Variants in RBFOX3 observed in about 807,000 individuals in gnomAD.
RBFOX3 encodes the protein RNA binding protein fox-1 homolog 3.
RBFOX3 carries 17 observed loss-of-function variants against 48.7 expected under a neutral mutation model. The ratio of observed to expected loss-of-function variants is 0.35; its 90% confidence interval spans 0.24 to 0.52. The LOEUF is 0.52. Ranked by LOEUF, RBFOX3 falls within the 20% of genes least tolerant of loss-of-function variation. RBFOX3 has a pLI of 0.94. For missense variants in RBFOX3, 382 were observed against 497.5 expected (o/e 0.77, Z 2.21); for synonymous variants, 212 against 209.5 (o/e 1.01, Z -0.10).
chr17:79,545,906 T>C (rs1188527862), intron 1 of RBFOX3, among the ~76,000 whole-genome samples: 1 of 152,262 alleles, frequency 6.6e-6, no homozygotes, highest in Non-Finnish European at 1.5e-5. Flanking sequence ...GGTTCTCCTT[T>C]GATCATTCCT....
chr17:79,467,493 C>A (rs1473899366), intron 2 of RBFOX3, among the ~76,000 whole-genome samples: 1 of 152,176 alleles, frequency 6.6e-6, no homozygotes, highest in Non-Finnish European at 1.5e-5. Context: ...GACATGAGGC[C>A]ACCTGATGTC....
chr17:79,398,175 A>G (rs1385696680), intron 2 of RBFOX3, among the ~76,000 whole-genome samples: 1 of 152,108 alleles, frequency 6.6e-6, no homozygotes, highest in Non-Finnish European at 1.5e-5. Flanking sequence ...CAGTGCTGAG[A>G]GCAGTCCTGA....
At chr17:79,614,833 A>G (rs1358801858), upstream of RBFOX3, among the ~76,000 whole-genome samples, 1 of 152,158 alleles carries the variant, frequency 6.6e-6, no homozygotes, top group Non-Finnish European at 1.5e-5. Context: ...GGAGAAAAAG[A>G]AGAAAGAGGG....
the RBFOX3 span, among the ~76,000 whole-genome samples, chr17:79,632,591 C>T: frequency 6.6e-6 from 1 of 152,110 alleles, no homozygotes; most frequent in Non-Finnish European, 1.5e-5. Context: ...TCTTCCCTGG[C>T]ATGCACGAGT....
intron 4 of RBFOX3, among the ~76,000 whole-genome samples, chr17:79,190,432 C>CAACAACAAA (rs2054275627): frequency 1.7e-5 from 2 of 114,730 alleles, no homozygotes; most frequent in Non-Finnish European, 3.7e-5. Flanking sequence ...AAAAAAAAAA[C>CAACAACAAA]AAAAAAACAG....
intron 4 of RBFOX3, among the ~76,000 whole-genome samples, chr17:79,229,081 T>A (rs2060674854): frequency 1.3e-5 from 2 of 149,598 alleles, no homozygotes; most frequent in African/African-American, 5.0e-5. Context: ...ACAAAAAAAG[T>A]AGCCAGGCGT....
At chr17:79,614,922 G>C (rs1270984152), upstream of RBFOX3, among the ~76,000 whole-genome samples, 6 of 152,126 alleles carry the variant, frequency 3.9e-5, no homozygotes, top group Non-Finnish European at 8.8e-5. Context: ...AGGGCCCCCA[G>C]AGAGAAGGAG....
intron 4 of RBFOX3, among the ~76,000 whole-genome samples, chr17:79,170,112 GAGGAAGGAAGGA>G (rs749783223): frequency 6.7e-6 from 1 of 148,570 alleles, no homozygotes; most frequent in African/African-American, 2.5e-5. Context: ...AGGAAAGGAG[GAGGAAGGAAGGA>G]AGGAAGGAGG....
In RBFOX3 at chr17:79,115,676, G is replaced by T; in HGVS notation, c.40C>A (p.Pro14Thr). The T allele has an allele frequency of 8.7e-7, 1 of 1,151,478 alleles. No homozygotes were observed. The highest frequency in any genetic ancestry group is 1.2e-6 in the Non-Finnish European group (1 of 833,154). The allele number at this position is 1,151,478 out of a possible 1,614,324, so 71.3% of individuals were successfully genotyped here. The change falls in exon 5 of 15, where the codon CCA becomes ACA. Residue 14 changes from proline (P) to threonine (T), a missense_variant. Transcript: ENST00000693108. ...TACTCGGCAGGGATGCCGTTCTGTGGCGGAGGGGGGTACTGGGCGGGGGGG... is the reference window on the plus strand; with the variant it reads ...TACTCGGCAGGGATGCCGTTCTGTGTCGGAGGGGGGTACTGGGCGGGGGGG... ...PYPPAQYPPPPQNGIPAEYAP... is the reference protein window; with the variant it reads ...PYPPAQYPPPTQNGIPAEYAP...
chr17:79,552,865 G>A lies in RBFOX3; in HGVS notation c.-320+57961C>T, dbSNP rs954077793. ...TATATACATATGGACATGCATACAT[G>A]CATACATAGGATTACCTTGTTGGTT... On this transcript the variant is annotated intron_variant, in intron 1 of 14. Transcript: ENST00000693108. 9.9e-5 allele frequency among the ~76,000 whole-genome samples: 15 copies of A among 152,272 alleles called. No homozygotes were observed. In the South Asian group the frequency reaches 2.1e-3, roughly 21 times the overall value.
At chr17:79,371,405 T>C (rs948048408) in intron 2 of RBFOX3, among the ~76,000 whole-genome samples, 4 of 152,200 alleles carry the variant, frequency 2.6e-5, no homozygotes, top group African/African-American at 9.7e-5. Context: ...GTGCCCATGC[T>C]CGCCCTCCCC....
At chr17:79,651,624 T>TCC in the RBFOX3 span, among the ~76,000 whole-genome samples, 3 of 73,186 alleles carry the variant, frequency 4.1e-5, no homozygotes, top group Non-Finnish European at 1.1e-4. Context: ...TTGCCCCCTT[T>TCC]CCTCTCTCTC....
At chr17:79,185,914 GA>G (rs2053302894) in intron 4 of RBFOX3, among the ~76,000 whole-genome samples, 1 of 152,222 alleles carries the variant, frequency 6.6e-6, no homozygotes, top group South Asian at 2.1e-4. Context: ...TCTAGTGGGG[GA>G]AACCAAGCTT....
intron 4 of RBFOX3, among the ~76,000 whole-genome samples, chr17:79,122,116 A>C (rs2035910438): frequency 6.6e-6 from 1 of 152,070 alleles, no homozygotes; most frequent in African/African-American, 2.4e-5. Context: ...CTTTTGGCCC[A>C]CACACCACAA....
the RBFOX3 span, among the ~76,000 whole-genome samples, chr17:79,661,299 T>TA: frequency 6.6e-6 from 1 of 152,060 alleles, no homozygotes; most frequent in South Asian, 2.1e-4. Flanking sequence ...AGATTTTTTT[T>TA]AAAAAAGGTT....
intron 2 of RBFOX3, among the ~76,000 whole-genome samples, chr17:79,323,774 G>A (rs944785894): frequency 7.2e-5 from 11 of 152,258 alleles, no homozygotes; most frequent in East Asian, 3.8e-4. Context: ...GCCCGTGGCC[G>A]GTGGTGTGTG....
chr17:79,398,053 C>T (rs896374762), intron 2 of RBFOX3, among the ~76,000 whole-genome samples: 2 of 152,250 alleles, frequency 1.3e-5, no homozygotes, highest in African/African-American at 2.4e-5. Flanking sequence ...GAGGAAGACT[C>T]GGAGCCCGAA....
intron 11 of RBFOX3, 107 bp from the exon 12 acceptor site, chr17:79,096,940 C>T (rs114881471): frequency 0.021 from 12,464 of 605,580 alleles, 235 homozygotes; most frequent in African/African-American, 0.07. Context: ...GCCCCCCACC[C>T]CTTTAGTGAT....
intron 2 of RBFOX3, among the ~76,000 whole-genome samples, chr17:79,339,976 T>C (rs1422672891): frequency 6.6e-6 from 1 of 152,160 alleles, no homozygotes; most frequent in Non-Finnish European, 1.5e-5. Flanking sequence ...CCTCTGTCTT[T>C]CAGAGTCCTG....
Sources: gnomAD v4.1 joint callset for allele counts (sites outside exome capture counted in the v4.1 genomes callset) on GRCh38, gnomAD v4.1.1 for gene constraint, MANE v1.5 for transcripts, NCBI Gene and HGNC (gene_info 2026-07-23, HGNC 2026-07-21) for gene names.